The following PRKG1 variants were observed in gnomAD, a reference collection of about 807,000 sequenced individuals.
PRKG1 encodes the protein cGMP-dependent protein kinase 1.
PRKG1 carries 35 observed loss-of-function variants against 88.1 expected under a neutral mutation model. That is an observed-to-expected ratio of 0.40 (90% CI 0.30 to 0.53). PRKG1 has a LOEUF of 0.53. Ranked by LOEUF, PRKG1 falls within the 20% of genes least tolerant of loss-of-function variation. The pLI, the probability that PRKG1 is intolerant of heterozygous loss-of-function variation, is 0.59. For synonymous variants in PRKG1, 303 were observed against 292.5 expected (o/e 1.04, Z -0.37); for missense variants, 540 against 839.8 (o/e 0.64, Z 4.41).
intron 3 of PRKG1, among the ~76,000 whole-genome samples, chr10:51,753,221 T>C (rs1160989305): frequency 6.6e-6 from 1 of 152,078 alleles, no homozygotes; most frequent in Non-Finnish European, 1.5e-5. Flanking sequence ...AAGAAAATAT[T>C]TAGGAAGAAA....
chr10:51,969,577 A>G (rs1243420224), intron 5 of PRKG1, among the ~76,000 whole-genome samples: 2 of 152,126 alleles, frequency 1.3e-5, no homozygotes, highest in East Asian at 1.9e-4. Context: ...GAAAAAGACA[A>G]TCCTATAGAA....
intron 2 of PRKG1, among the ~76,000 whole-genome samples, chr10:51,248,133 A>G (rs948611842): frequency 1.3e-5 from 2 of 151,898 alleles, no homozygotes; most frequent in African/African-American, 4.8e-5. Context: ...ACTAAACTAC[A>G]TACATTGTTA....
At chr10:51,531,440 G>C (rs776098730) in intron 3 of PRKG1, among the ~76,000 whole-genome samples, 5 of 151,884 alleles carry the variant, frequency 3.3e-5, no homozygotes, top group Non-Finnish European at 7.4e-5. Context: ...TCTCATGTGT[G>C]GTTTCACTCT....
chr10:51,448,950 G>T (rs1039089671), intron 2 of PRKG1, among the ~76,000 whole-genome samples: 1 of 151,930 alleles, frequency 6.6e-6, no homozygotes, highest in African/African-American at 2.4e-5. Context: ...AGTTACACAT[G>T]TAAAACTGAT....
At chr10:52,263,951 A>G (rs867760146) in intron 10 of PRKG1, among the ~76,000 whole-genome samples, 7 of 152,082 alleles carry the variant, frequency 4.6e-5, no homozygotes, top group Admixed American at 6.6e-5. Context: ...TACACTAAAT[A>G]TTTTTATTTT....
chr10:52,029,028 G>T (rs779657618), intron 5 of PRKG1, among the ~76,000 whole-genome samples: 1 of 152,152 alleles, frequency 6.6e-6, no homozygotes, highest in Non-Finnish European at 1.5e-5. Flanking sequence ...ATTAAAAATA[G>T]GTCACTTAAG....
intron 5 of PRKG1, among the ~76,000 whole-genome samples, chr10:52,030,645 G>A (rs933184529): frequency 2.2e-4 from 33 of 152,114 alleles, no homozygotes; most frequent in African/African-American, 8.0e-4. Flanking sequence ...TCAGAAGTCA[G>A]CGATGGGAAG....
intron 3 of PRKG1, among the ~76,000 whole-genome samples, chr10:51,795,744 A>G (rs1249288512): frequency 6.6e-6 from 1 of 152,052 alleles, no homozygotes; most frequent in Non-Finnish European, 1.5e-5. Context: ...GTACCTTATG[A>G]TGTGAGCTGA....
intron 9 of PRKG1, among the ~76,000 whole-genome samples, chr10:52,203,540 C>T (rs866786190): frequency 3.3e-5 from 5 of 152,164 alleles, no homozygotes; most frequent in East Asian, 3.9e-4. Context: ...AGGTTTATTT[C>T]GTCAAGGGTT....
At chr10:52,034,766 G>C (rs1425598156) in intron 5 of PRKG1, among the ~76,000 whole-genome samples, 2 of 152,048 alleles carry the variant, frequency 1.3e-5, no homozygotes, top group Non-Finnish European at 2.9e-5. Flanking sequence ...ACAGAAGATA[G>C]TAGGGATGAC....
chr10:51,650,287 T>C lies in PRKG1; in HGVS notation c.593-154298T>C, dbSNP rs79250764. Among the ~76,000 whole-genome samples, 51 of 152,328 alleles carry C rather than the reference T, an allele frequency of 3.3e-4. 1 individual carries two copies. The East Asian group carries it at 9.3e-3, about 28-fold the overall frequency. On this transcript the variant is annotated intron_variant, in intron 3 of 17. Coordinates refer to ENST00000373980, the MANE Select transcript of PRKG1 (RefSeq NM_006258.4). ...CCATGTCATGAAACCTCATGGTTTT[T>C]GTTGAATTGGAATCTTGGCTCTCTA...
intron 8 of PRKG1, among the ~76,000 whole-genome samples, chr10:52,153,945 A>T (rs991723396): frequency 6.6e-6 from 1 of 152,020 alleles, no homozygotes; most frequent in South Asian, 2.1e-4. Context: ...GGCTTTATCC[A>T]TGTTGGTCAG....
At chr10:52,222,652 GA>G (rs1840275660) in intron 9 of PRKG1, among the ~76,000 whole-genome samples, 1 of 152,142 alleles carries the variant, frequency 6.6e-6, no homozygotes, top group Non-Finnish European at 1.5e-5. Context: ...TGTGACCTTG[GA>G]AAGTTAGTAA....
chr10:51,172,675 T>C (rs111539163), intron 2 of PRKG1, among the ~76,000 whole-genome samples: 8,383 of 148,092 alleles, frequency 0.057, 469 homozygotes, highest in African/African-American at 0.14. Flanking sequence ...TATCTATCTA[T>C]CTATCTATCT....
chr10:51,820,513 C>T (rs1013989675), intron 4 of PRKG1, among the ~76,000 whole-genome samples: 13 of 152,186 alleles, frequency 8.5e-5, no homozygotes, highest in African/African-American at 3.1e-4. Context: ...AGCAGAGGCA[C>T]ACCTCCTGCT....
intron 2 of PRKG1, among the ~76,000 whole-genome samples, chr10:51,426,176 G>A (rs1475466300): frequency 2.0e-5 from 3 of 152,104 alleles, no homozygotes; most frequent in Non-Finnish European, 4.4e-5. Context: ...AGCTACTAGG[G>A]AGCCTGAGGC....
At chr10:51,432,045 C>CCTTG (rs563167143) in intron 2 of PRKG1, among the ~76,000 whole-genome samples, 2 of 152,068 alleles carry the variant, frequency 1.3e-5, no homozygotes, top group Non-Finnish European at 2.9e-5. Flanking sequence ...TTTAATAGAG[C>CCTTG]CTTGACACAT....
At chr10:51,949,871 G>A (rs79426890) in intron 5 of PRKG1, among the ~76,000 whole-genome samples, 13,993 of 152,122 alleles carry the variant, frequency 0.092, 833 homozygotes, top group Middle Eastern at 0.14. Context: ...CATGCCATAA[G>A]CATTTCCAGA....
At chr10:51,170,883 G>A (rs1188177902) in intron 2 of PRKG1, among the ~76,000 whole-genome samples, 4 of 152,044 alleles carry the variant, frequency 2.6e-5, no homozygotes, top group Admixed American at 6.6e-5. Flanking sequence ...ATCCACAGGA[G>A]GATTTGAGCA....
Sources: allele counts gnomAD v4.1 joint callset (sites outside exome capture counted in the v4.1 genomes callset), GRCh38; gene constraint gnomAD v4.1.1; transcripts MANE v1.5; gene names NCBI Gene and HGNC (gene_info 2026-07-23, HGNC 2026-07-21).